The following CDH13 variants were observed in gnomAD, a reference collection of about 807,000 sequenced individuals.
CDH13 encodes cadherin 13, also known as cadherin-13.
CDH13 carries 24 observed loss-of-function variants against 63.8 expected under a neutral mutation model. That is an observed-to-expected ratio of 0.38 (90% CI 0.27 to 0.53). The LOEUF is 0.53. CDH13 is among the 20% of genes least tolerant of loss of function. CDH13 has a pLI of 0.85. For synonymous variants in CDH13, 503 were observed against 355.3 expected (o/e 1.42, Z -4.67); for missense variants, 1,049 against 903.1 (o/e 1.16, Z -2.07).
At chr16:83,665,805 T>A (rs923226658) in intron 8 of CDH13, among the ~76,000 whole-genome samples, 5 of 152,202 alleles carry the variant, frequency 3.3e-5, no homozygotes, top group Non-Finnish European at 7.4e-5. Flanking sequence ...ATTTCCATCT[T>A]CCATGTTAAT....
intron 7 of CDH13, among the ~76,000 whole-genome samples, chr16:83,556,103 A>C (rs1249430133): frequency 6.6e-6 from 1 of 152,230 alleles, no homozygotes; most frequent in Non-Finnish European, 1.5e-5. Flanking sequence ...GTGTAGGCAC[A>C]GTATAAAAGT....
At chr16:83,596,942 G>T (rs1907318972) in intron 7 of CDH13, among the ~76,000 whole-genome samples, 1 of 152,136 alleles carries the variant, frequency 6.6e-6, no homozygotes, top group Non-Finnish European at 1.5e-5. Context: ...GAAAACTTGG[G>T]CAGGGCACGG....
chr16:82,887,799 G>A (rs1462782517), intron 2 of CDH13, among the ~76,000 whole-genome samples: 6 of 152,064 alleles, frequency 3.9e-5, no homozygotes, highest in African/African-American at 1.4e-4. Context: ...TCTAGCCTGG[G>A]TAACAGAGTG....
intron 10 of CDH13, among the ~76,000 whole-genome samples, chr16:83,738,633 T>A (rs11149601): frequency 6.6e-6 from 1 of 151,888 alleles, no homozygotes; most frequent in Admixed American, 6.6e-5. Context: ...TTGGGCCAGG[T>A]GTGGTGGCTC....
At chr16:82,677,803 T>C (rs138337749) in intron 1 of CDH13, among the ~76,000 whole-genome samples, 224 of 152,330 alleles carry the variant, frequency 1.5e-3, no homozygotes, top group African/African-American at 5.1e-3. Context: ...CTCCTCTTTT[T>C]TGACTGCCTT....
chr16:83,403,066 G>T (rs2091991575), intron 6 of CDH13, among the ~76,000 whole-genome samples: 1 of 152,112 alleles, frequency 6.6e-6, no homozygotes, highest in East Asian at 1.9e-4. Flanking sequence ...AGCCCAAGGG[G>T]CAAACTGGTT....
At chr16:83,523,121 C>T (rs1198525515) in intron 7 of CDH13, among the ~76,000 whole-genome samples, 2 of 152,156 alleles carry the variant, frequency 1.3e-5, no homozygotes, top group East Asian at 1.9e-4. Context: ...GTGCTTCTTC[C>T]TCATGCACCT....
At chr16:83,434,026 A>G (rs145769674) in intron 6 of CDH13, among the ~76,000 whole-genome samples, 20 of 152,148 alleles carry the variant, frequency 1.3e-4, no homozygotes, top group African/African-American at 4.6e-4. Context: ...GATGGACTTT[A>G]TTTTATAAGG....
At chr16:83,298,172 G>C (rs1474082064) in intron 5 of CDH13, among the ~76,000 whole-genome samples, 1 of 152,104 alleles carries the variant, frequency 6.6e-6, no homozygotes, top group Non-Finnish European at 1.5e-5. Context: ...GAGCCCAAGA[G>C]GTCGAGGCTG....
chr16:82,820,901 C>G (rs899991659), intron 1 of CDH13, among the ~76,000 whole-genome samples: 15 of 115,952 alleles, frequency 1.3e-4, no homozygotes, highest in East Asian at 4.1e-4. Flanking sequence ...TATGAATATG[C>G]CTGCCCTTTT....
chr16:83,026,723 C>A (rs1225466842), intron 2 of CDH13, among the ~76,000 whole-genome samples: 4 of 152,132 alleles, frequency 2.6e-5, no homozygotes, highest in African/African-American at 9.7e-5. Context: ...CAGTCCTTTG[C>A]ATAGAGCGTA....
chr16:82,869,549 A>G (rs2040271650), intron 2 of CDH13, among the ~76,000 whole-genome samples: 1 of 152,200 alleles, frequency 6.6e-6, no homozygotes, highest in African/African-American at 2.4e-5. Context: ...AAAAAGAACA[A>G]AATTAGAGTT....
chr16:83,021,146 G>A (rs1160228908), intron 2 of CDH13, among the ~76,000 whole-genome samples: 1 of 152,118 alleles, frequency 6.6e-6, no homozygotes, highest in South Asian at 2.1e-4. Flanking sequence ...CGCTTAATGG[G>A]TGACTTTCAA....
rs958323304 is a variant in CDH13, at chr16:83,394,541, T to C, written c.781+49535T>C. Among the ~76,000 whole-genome samples the C allele has an allele frequency of 6.6e-5, 10 of 152,222 alleles. No individual in the cohort carries two copies. The South Asian group carries it at 1.2e-3, about 19-fold the overall frequency. On this transcript the variant is annotated intron_variant, in intron 6 of 13. Coordinates refer to ENST00000567109, the MANE Select transcript of CDH13 (RefSeq NM_001257.5). ...GGGGAGCAGAAGCAGGGGGAGCAGA[T>C]CACATCCAACTGTGCAGGCGTAGTA... is the stretch of plus-strand genomic sequence containing the variant.
intron 3 of CDH13, among the ~76,000 whole-genome samples, chr16:83,042,290 T>TACTGCCTGAGC (rs1756528246): frequency 6.6e-6 from 1 of 152,188 alleles, no homozygotes; most frequent in Non-Finnish European, 1.5e-5. Flanking sequence ...TTCCCCACAT[T>TACTGCCTGAGC]ACTGCCTGAG....
chr16:83,169,305 T>C (rs776626567), intron 4 of CDH13, among the ~76,000 whole-genome samples: 1 of 151,918 alleles, frequency 6.6e-6, no homozygotes, highest in Non-Finnish European at 1.5e-5. Context: ...CCCTCCTGAG[T>C]AGCTGGGACT....
rs752654014 is a variant in CDH13, at chr16:83,779,951, T to G, written c.1682-17T>G. ...CATATACCAGTTGCATACCAACATC[T>G]TCCCTTTTTCCCACAGGCAACCCTC... On this transcript the variant is annotated splice_polypyrimidine_tract_variant and intron_variant, in intron 11 of 13. Transcript: ENST00000567109. 2 of 1,580,926 alleles carry G rather than the reference T, an allele frequency of 1.3e-6. No homozygotes were observed. Among genetic ancestry groups the G allele is most frequent in the African/African-American group, 1.3e-5 (1 of 74,200 alleles).
At chr16:83,080,109 A>C (rs75405628) in intron 3 of CDH13, among the ~76,000 whole-genome samples, 1 of 152,300 alleles carries the variant, frequency 6.6e-6, no homozygotes, top group South Asian at 2.1e-4. Context: ...GTGAAGGTCA[A>C]GGAGGTTTTG....
intron 5 of CDH13, among the ~76,000 whole-genome samples, chr16:83,334,361 T>TCTCACACACACA (rs1272779883): frequency 1.1e-4 from 9 of 85,622 alleles, no homozygotes; most frequent in South Asian, 5.0e-4. Context: ...TCTCTCTCTC[T>TCTCACACACACA]CACACACACA....
Sources: allele counts gnomAD v4.1 joint callset (sites outside exome capture counted in the v4.1 genomes callset), GRCh38; gene constraint gnomAD v4.1.1; transcripts MANE v1.5; gene names NCBI Gene and HGNC (gene_info 2026-07-23, HGNC 2026-07-21).